The following APBA2 variants were observed in gnomAD, a reference collection of about 807,000 sequenced individuals.
The protein encoded by APBA2 is amyloid-beta A4 precursor protein-binding family A member 2.
Under a neutral mutation model 75.0 loss-of-function variants are expected in APBA2, and 30 were observed. The observed-to-expected ratio is 0.40, with a 90% CI of 0.30 to 0.54. The LOEUF is 0.54. APBA2 is among the 20% of genes least tolerant of loss of function. The pLI, the probability that APBA2 is intolerant of heterozygous loss-of-function variation, is 0.49. For synonymous variants in APBA2, 444 were observed against 409.6 expected (o/e 1.08, Z -1.01); for missense variants, 801 against 1,016.1 (o/e 0.79, Z 2.88).
intron 3 of APBA2, among the ~76,000 whole-genome samples, chr15:29,037,685 C>T (rs2040817652): frequency 6.6e-6 from 1 of 152,076 alleles, no homozygotes; most frequent in Non-Finnish European, 1.5e-5. Flanking sequence ...TAACGTAGTA[C>T]CACAGACTGG....
At chr15:28,932,554 C>T (rs2034619923) in intron 2 of APBA2, among the ~76,000 whole-genome samples, 1 of 152,216 alleles carries the variant, frequency 6.6e-6, no homozygotes, top group Non-Finnish European at 1.5e-5. Flanking sequence ...TCCTGCAAAG[C>T]CTGTGGCAGG....
intron 8 of APBA2, among the ~76,000 whole-genome samples, chr15:29,097,247 G>C (rs575226263): frequency 1.3e-5 from 2 of 152,382 alleles, no homozygotes; most frequent in African/African-American, 4.8e-5. Context: ...TCCAGGAAAC[G>C]TAACCTGAGT....
intron 2 of APBA2, among the ~76,000 whole-genome samples, chr15:28,981,419 T>C (rs1159893056): frequency 6.6e-6 from 1 of 152,138 alleles, no homozygotes; most frequent in Non-Finnish European, 1.5e-5. Flanking sequence ...TCAACATCAC[T>C]AATCATCAGA....
chr15:29,116,952 TG>T, intron 14 of APBA2, 109 bp from the exon 15 acceptor site: 1 of 1,171,152 alleles, frequency 8.5e-7, no homozygotes, highest in Non-Finnish European at 1.3e-6. Flanking sequence ...CTCTAGGAGA[TG>T]GGCATTTGAA....
intron 3 of APBA2, among the ~76,000 whole-genome samples, chr15:29,006,242 A>G (rs2039108786): frequency 6.6e-6 from 1 of 152,264 alleles, no homozygotes. Context: ...ACATGAATTC[A>G]GTAAAGTTGC....
At chr15:29,045,803 C>A (rs919110727) in intron 3 of APBA2, among the ~76,000 whole-genome samples, 15 of 152,272 alleles carry the variant, frequency 9.9e-5, no homozygotes, top group African/African-American at 3.4e-4. Flanking sequence ...GAACACAGAG[C>A]AAAACAGATT....
Position 29,013,218 on chromosome 15 carries a change from A to T in APBA2, c.-41+17412A>T, listed in dbSNP as rs186292716. 1.1e-4 allele frequency among the ~76,000 whole-genome samples: 17 copies of T among 151,832 alleles called. 1 individual carries two copies. The highest frequency in any genetic ancestry group is 3.6e-4 in the African/African-American group (15 of 41,348). ...TTAATATCTGATGCTTTGCACCCATACAGCAACTATCCTGAGTAACGAAGA... is the reference window on the plus strand; with the variant it reads ...TTAATATCTGATGCTTTGCACCCATTCAGCAACTATCCTGAGTAACGAAGA... On this transcript the variant is annotated intron_variant, in intron 3 of 14. Transcript: ENST00000683413.
rs773922376 is a variant in APBA2 at position 29,081,760 on chromosome 15, G to A, written c.1069+5669G>A. Among the ~76,000 whole-genome samples, 5 of 152,266 alleles carry A rather than the reference G, an allele frequency of 3.3e-5. 1 individual carries two copies. Among genetic ancestry groups the A allele is most frequent in the South Asian group, 4.1e-4 (2 of 4,834 alleles). On this transcript the variant is annotated intron_variant, in intron 6 of 14. Coordinates refer to ENST00000683413, the MANE Select transcript of APBA2 (RefSeq NM_001353788.2). ...ATTATTTAAGCGGCAGCACAGGATCGGTTGAGTGGATGTGGGATGGGGTAT... is the reference window on the plus strand; with the variant it reads ...ATTATTTAAGCGGCAGCACAGGATCAGTTGAGTGGATGTGGGATGGGGTAT...
intron 3 of APBA2, among the ~76,000 whole-genome samples, chr15:29,018,828 G>T (rs2039806712): frequency 6.6e-6 from 1 of 152,222 alleles, no homozygotes. Flanking sequence ...GTACCTGAGA[G>T]AGGTGGCCGG....
intron 1 of APBA2, among the ~76,000 whole-genome samples, chr15:28,893,310 GT>G (rs1186094846): frequency 2.0e-5 from 3 of 152,226 alleles, no homozygotes; most frequent in African/African-American, 7.2e-5. Context: ...CAGTCACCAG[GT>G]TTAGGGTGTG....
intron 3 of APBA2, among the ~76,000 whole-genome samples, chr15:29,007,494 A>G (rs1163179757): frequency 6.6e-6 from 1 of 152,242 alleles, no homozygotes; most frequent in African/African-American, 2.4e-5. Flanking sequence ...TAAAGGGTTA[A>G]TAGCCAGAAT....
At chr15:28,984,912 GCTCTCTCTCTCTCT>G (rs72448868) in intron 2 of APBA2, among the ~76,000 whole-genome samples, 1 of 139,528 alleles carries the variant, frequency 7.2e-6, no homozygotes, top group African/African-American at 2.8e-5. Flanking sequence ...GGGGGGAGCT[GCTCTCTCTCTCTCT>G]CTCTCTCTCT....
intron 3 of APBA2, among the ~76,000 whole-genome samples, chr15:29,009,865 A>G (rs1263832532): frequency 6.6e-6 from 1 of 152,172 alleles, no homozygotes; most frequent in Non-Finnish European, 1.5e-5. Flanking sequence ...GCTGCTGGGA[A>G]CACTGTTACA....
intron 4 of APBA2, among the ~76,000 whole-genome samples, chr15:29,064,831 T>C (rs529504037): frequency 1.3e-5 from 2 of 152,126 alleles, no homozygotes; most frequent in South Asian, 2.1e-4. Context: ...TTAGGAGATA[T>C]CTTACTGGGG....
At chr15:29,114,807 AGT>A (rs1287802017) in intron 14 of APBA2, among the ~76,000 whole-genome samples, 2 of 133,040 alleles carry the variant, frequency 1.5e-5, no homozygotes, top group African/African-American at 5.8e-5. Context: ...TGTGTGGGTG[AGT>A]GTATGCGGAT....
At chr15:29,075,503 G>T (rs2042812157) in intron 5 of APBA2, among the ~76,000 whole-genome samples, 1 of 152,050 alleles carries the variant, frequency 6.6e-6, no homozygotes, top group Non-Finnish European at 1.5e-5. Context: ...AACCAAAAAT[G>T]TCTCCAGACA....
At chr15:28,951,015 A>G (rs12439742) in intron 2 of APBA2, among the ~76,000 whole-genome samples, 40,490 of 152,014 alleles carry the variant, frequency 0.27, 9,665 homozygotes, top group African/African-American at 0.61. Flanking sequence ...TCAGTTGGCC[A>G]TATCCGTGAG....
At chr15:29,016,986 CTG>C (rs568726821) in intron 3 of APBA2, among the ~76,000 whole-genome samples, 37 of 152,186 alleles carry the variant, frequency 2.4e-4, no homozygotes, top group Non-Finnish European at 4.7e-4. Flanking sequence ...ATCAAAATAA[CTG>C]TGTAAGTTCA....
intron 10 of APBA2, chr15:29,102,072 A>G (rs1449805734): frequency 1.8e-6 from 1 of 546,934 alleles, no homozygotes; most frequent in African/African-American, 1.9e-5. Flanking sequence ...CATTTTCTCT[A>G]CTAAAAATGA....
Sources: gnomAD v4.1 joint callset for allele counts (sites outside exome capture counted in the v4.1 genomes callset) on GRCh38, gnomAD v4.1.1 for gene constraint, MANE v1.5 for transcripts, NCBI Gene and HGNC (gene_info 2026-07-23, HGNC 2026-07-21) for gene names.